Variants in TRIM33 observed in about 807,000 individuals in gnomAD.
The protein encoded by TRIM33 is E3 ubiquitin-protein ligase TRIM33.
A neutral mutation model predicts 125.4 loss-of-function variants in TRIM33; 20 were observed. The ratio of observed to expected loss-of-function variants is 0.16; its 90% CI spans 0.11 to 0.23. The LOEUF is 0.23. Ranked by LOEUF, TRIM33 falls within the 10% of genes least tolerant of loss-of-function variation. The pLI, the probability that TRIM33 is intolerant of heterozygous loss-of-function variation, is 1.00. For synonymous variants in TRIM33, 564 were observed against 513.9 expected, an observed-to-expected ratio of 1.10 and a Z score of -1.32; for missense variants, 920 against 1,411.4, an observed-to-expected ratio of 0.65 and a Z score of 5.58.
chr1:114,425,538 T>A lies in TRIM33; in HGVS notation c.1606A>T (p.Met536Leu). ...QKHQQLQQMR[M>L]QQPPAPVPTT... ...GGTACAGGTGCTGGTGGTTGCTGCA[T>A]CCTCATCTGTTGCAACTGCTGATGT... Residue 536 changes from methionine to leucine, a missense_variant, in exon 9 of 20, where the codon ATG (methionine) becomes TTG (leucine). Met to Leu is a conservative substitution (Grantham distance 15). Around this residue, in one of 8 missense-constraint regions of TRIM33, gnomAD observed 407 missense variants for 589.7 expected, o/e 0.69. Coordinates refer to ENST00000358465, the MANE Select transcript of TRIM33 (RefSeq NM_015906.4). 6.2e-7 allele frequency: 1 copy of A among 1,614,180 alleles called. No homozygotes were observed. Among genetic ancestry groups the A allele is most frequent in the South Asian group, 1.1e-5 (1 of 91,086 alleles).
At chr1:114,477,703 C>T (rs577170193) in intron 1 of TRIM33, among the ~76,000 whole-genome samples, 6 of 152,302 alleles carry the variant, frequency 3.9e-5, no homozygotes, top group East Asian at 1.9e-4. Flanking sequence ...ATAATGGATA[C>T]GTGCTGTATG....
intron 1 of TRIM33, among the ~76,000 whole-genome samples, chr1:114,507,668 T>A (rs1653079040): frequency 6.6e-6 from 1 of 152,238 alleles, no homozygotes; most frequent in Admixed American, 6.5e-5. Context: ...AAAAACAGTA[T>A]GAACTTCCTT....
At chr1:114,445,474 A>G (rs574189193) in intron 4 of TRIM33, among the ~76,000 whole-genome samples, 25 of 152,264 alleles carry the variant, frequency 1.6e-4, no homozygotes, top group Non-Finnish European at 3.1e-4. Flanking sequence ...CCCCTGGGGT[A>G]AAGTGATCCT....
At chr1:114,413,628 TAAAAAAAAAAAA>T (rs34538412) in intron 11 of TRIM33, among the ~76,000 whole-genome samples, 3 of 50,860 alleles carry the variant, frequency 5.9e-5, no homozygotes, top group Non-Finnish European at 1.1e-4. Context: ...AGCAAAACTG[TAAAAAAAAAAAA>T]AAAAAAAAAA....
chr1:114,497,821 G>A (rs1652460275), intron 1 of TRIM33, among the ~76,000 whole-genome samples: 1 of 151,380 alleles, frequency 6.6e-6, no homozygotes, highest in Admixed American at 6.6e-5. Flanking sequence ...ATTCAAGTGG[G>A]GAGACAACCA....
chr1:114,463,024 C>A, intron 4 of TRIM33, 80 bp downstream of exon 4: 4 of 1,092,150 alleles, frequency 3.7e-6, no homozygotes, highest in South Asian at 4.8e-5. Flanking sequence ...AACATATAAT[C>A]AATATTTGCT....
At chr1:114,418,945 C>T (rs916408229) in intron 11 of TRIM33, among the ~76,000 whole-genome samples, 18 of 152,150 alleles carry the variant, frequency 1.2e-4, no homozygotes, top group East Asian at 3.9e-4. Context: ...AGCTGCCAGG[C>T]GCAGTGGCTC....
chr1:114,506,179 C>T (rs182994628), intron 1 of TRIM33, among the ~76,000 whole-genome samples: 24 of 151,868 alleles, frequency 1.6e-4, no homozygotes, highest in African/African-American at 5.3e-4. Flanking sequence ...GTCAGGAGTT[C>T]GAGACCAGCC....
chr1:114,397,882 A>G, intron 19 of TRIM33, 22 bp from the exon 20 acceptor site: 2 of 1,613,898 alleles, frequency 1.2e-6, no homozygotes, highest in Non-Finnish European at 1.7e-6. Flanking sequence ...AGATAGGAAT[A>G]TTCACCTATT....
chr1:114,476,009 A>G (rs1213295857), intron 1 of TRIM33, among the ~76,000 whole-genome samples: 1 of 152,102 alleles, frequency 6.6e-6, no homozygotes, highest in Non-Finnish European at 1.5e-5. Context: ...CAAAATAATA[A>G]TACGGAAAAA....
rs1003439606 is a variant in TRIM33, at chr1:114,511,094, C to A, written c.-18G>T. On this transcript the variant is annotated 5_prime_UTR_variant, in exon 1 of 20. Transcript: ENST00000358465. ...TCCGCCATGTTTTCCTCTTTGAACC[C>A]GCCGGACCGCCCCGCGCCGCCCGCC... 7 of 1,183,970 alleles carry A rather than the reference C, an allele frequency of 5.9e-6. No individual in the cohort carries two copies. Among genetic ancestry groups the A allele is most frequent in the Admixed American group, 4.6e-5 (1 of 21,540 alleles). 73.3% of individuals were successfully genotyped at this position (1,183,970 alleles called of 1,614,324 possible).
intron 4 of TRIM33, among the ~76,000 whole-genome samples, chr1:114,451,608 C>T (rs1374117536): frequency 6.6e-6 from 1 of 151,202 alleles, no homozygotes; most frequent in African/African-American, 2.4e-5. Flanking sequence ...TAAAGTAAAT[C>T]GAAGACTTCA....
At chr1:114,446,589 T>G (rs2143583) in intron 4 of TRIM33, among the ~76,000 whole-genome samples, 43,114 of 151,888 alleles carry the variant, frequency 0.28, 6,674 homozygotes, top group African/African-American at 0.39. Flanking sequence ...AAGCCAACAG[T>G]AGATGTAAAA....
intron 4 of TRIM33, among the ~76,000 whole-genome samples, chr1:114,460,835 T>C (rs1272230121): frequency 6.6e-6 from 1 of 152,162 alleles, no homozygotes; most frequent in African/African-American, 2.4e-5. Flanking sequence ...ACTTGTTTTA[T>C]TTTATGGAAT....
intron 1 of TRIM33, among the ~76,000 whole-genome samples, chr1:114,486,253 G>A (rs1159156684): frequency 6.6e-6 from 1 of 152,050 alleles, no homozygotes; most frequent in East Asian, 1.9e-4. Flanking sequence ...CCCAGCCTGG[G>A]CGACAGAGTA....
At chr1:114,463,863 G>A (rs1267448951) in intron 2 of TRIM33, among the ~76,000 whole-genome samples, 1 of 151,136 alleles carries the variant, frequency 6.6e-6, no homozygotes, top group Admixed American at 6.6e-5. Flanking sequence ...CAACTTCCTG[G>A]GCTCAAGCAA....
At chr1:114,499,411 T>A (rs1262563759) in intron 1 of TRIM33, among the ~76,000 whole-genome samples, 5 of 151,214 alleles carry the variant, frequency 3.3e-5, no homozygotes, top group Admixed American at 2.6e-4. Flanking sequence ...AAAAAAAAAA[T>A]CTGACCAACA....
chr1:114,402,663 A>T (rs988730823), intron 16 of TRIM33, 97 bp downstream of exon 16: 18 of 1,346,078 alleles, frequency 1.3e-5, no homozygotes, highest in Non-Finnish European at 1.7e-5. Context: ...ATTAAATGTT[A>T]TCAGGTTTTG....
At chr1:114,510,450 C>T (rs537496113) in intron 1 of TRIM33, 101 bp downstream of exon 1, 30 of 1,178,504 alleles carry the variant, frequency 2.5e-5, no homozygotes, top group Non-Finnish European at 3.4e-5. Context: ...CGGGATGGCG[C>T]CCGTCCGAGC....
Sources: allele counts gnomAD v4.1 joint callset (sites outside exome capture counted in the v4.1 genomes callset), GRCh38; gene constraint gnomAD v4.1.1; regional missense constraint gnomAD v4.1.1; transcripts MANE v1.5; gene names NCBI Gene and HGNC (gene_info 2026-07-23, HGNC 2026-07-21).